The following CDYL2 variants were observed in gnomAD, a reference collection of about 807,000 sequenced individuals.
CDYL2 encodes chromodomain Y-like protein 2.
In CDYL2, 23 loss-of-function variants were observed where a neutral mutation model predicts 49.4. The observed-to-expected ratio is 0.47, with a 90% CI of 0.34 to 0.66. CDYL2 has a LOEUF of 0.66. CDYL2 is among the 30% of genes least tolerant of loss of function. CDYL2 has a pLI of 0.01. For synonymous variants in CDYL2, 360 were observed against 268.8 expected, an observed-to-expected ratio of 1.34 and a Z score of -3.32; for missense variants, 678 against 656.4, an observed-to-expected ratio of 1.03 and a Z score of -0.36.
In CDYL2 at chr16:80,684,740, C is replaced by G. The variant is rs370784290; in HGVS notation, c.414G>C (p.Arg138Ser). The G allele has an allele frequency of 1.2e-6, 2 of 1,614,134 alleles. No individual in the cohort carries two copies. Among genetic ancestry groups the G allele is most frequent in the Non-Finnish European group, 1.7e-6 (2 of 1,180,034 alleles). The stretch of plus-strand genomic sequence containing the variant: ...TTATTTGCAAACCACTGGGGGTAGT[C>G]CTGTAAGACACCGTCTTGGTGGCCC... ...GDRATKTVSY[R>S]TTPSGLQIMP... Residue 138 changes from arginine (R) to serine (S), a missense_variant, in exon 2 of 7, where the codon AGG (arginine) becomes AGC (serine). Around this residue, in one of 3 missense-constraint regions of CDYL2, gnomAD observed 478 missense variants for 427.0 expected, o/e 1.12. Transcript: ENST00000570137.
At chr16:80,671,333 C>A (rs138073981) in intron 2 of CDYL2, among the ~76,000 whole-genome samples, 1 of 152,270 alleles carries the variant, frequency 6.6e-6, no homozygotes, top group African/African-American at 2.4e-5. Flanking sequence ...GGTATTTCTG[C>A]CAGTTCATCA....
intron 1 of CDYL2, among the ~76,000 whole-genome samples, chr16:80,754,612 T>C (rs1005000452): frequency 1.3e-5 from 2 of 152,178 alleles, no homozygotes; most frequent in Non-Finnish European, 2.9e-5. Flanking sequence ...GTGCTGTGAC[T>C]CTGGACAAGT....
intron 4 of CDYL2, among the ~76,000 whole-genome samples, chr16:80,613,450 T>G (rs1239803007): frequency 6.6e-6 from 1 of 152,172 alleles, no homozygotes. Flanking sequence ...AAATCACACC[T>G]AGGATGGTCT....
At chr16:80,769,932 G>A (rs917131122) in intron 1 of CDYL2, among the ~76,000 whole-genome samples, 6 of 152,084 alleles carry the variant, frequency 3.9e-5, no homozygotes, top group Non-Finnish European at 5.9e-5. Flanking sequence ...TTAAGAATAA[G>A]AGGACTACAC....
chr16:80,631,782 G>A (rs1294981602), intron 3 of CDYL2, among the ~76,000 whole-genome samples: 1 of 152,192 alleles, frequency 6.6e-6, no homozygotes, highest in Admixed American at 6.5e-5. Flanking sequence ...ATGCACTCAT[G>A]AAAAGATGCT....
chr16:80,610,048 T>C (rs933614696), intron 5 of CDYL2, among the ~76,000 whole-genome samples: 1 of 152,118 alleles, frequency 6.6e-6, no homozygotes. Flanking sequence ...CAGGGCCTGG[T>C]AGTGCAGAAG....
chr16:80,636,881 G>C (rs1029143734), intron 2 of CDYL2, among the ~76,000 whole-genome samples: 1 of 152,128 alleles, frequency 6.6e-6, no homozygotes, highest in Non-Finnish European at 1.5e-5. Context: ...CCATAAAAAA[G>C]GATGAGTTCA....
intron 1 of CDYL2, among the ~76,000 whole-genome samples, chr16:80,777,499 A>G (rs1201728703): frequency 6.6e-6 from 1 of 152,152 alleles, no homozygotes; most frequent in Admixed American, 6.5e-5. Context: ...TGAAGAAAAG[A>G]GAAAGTACAA....
At chr16:80,699,207 T>C (rs1904288793) in intron 1 of CDYL2, among the ~76,000 whole-genome samples, 1 of 152,216 alleles carries the variant, frequency 6.6e-6, no homozygotes, top group South Asian at 2.1e-4. Flanking sequence ...ACCTGTACTC[T>C]CATGTTTACT....
At chr16:80,670,064 T>G (rs1351707820) in intron 2 of CDYL2, among the ~76,000 whole-genome samples, 1 of 152,220 alleles carries the variant, frequency 6.6e-6, no homozygotes, top group African/African-American at 2.4e-5. Context: ...CTCATGCCAC[T>G]GGTGGGCAGA....
Position 80,804,271 on chromosome 16 carries a change from G to A in CDYL2, c.-98C>T. 1.8e-6 allele frequency: 2 copies of A among 1,115,916 alleles called. No individual in the cohort carries two copies. The highest frequency in any genetic ancestry group is 1.7e-5 in the South Asian group (1 of 58,516). 69.1% of individuals were successfully genotyped at this position (1,115,916 alleles called of 1,614,324 possible). The stretch of plus-strand genomic sequence containing the variant: ...GTCCGGTGTGCGCGTGTGTGTGCGC[G>A]CGTGTGTGTGCGAGTGTGTGTGGTG... On this transcript the variant is annotated 5_prime_UTR_variant, in exon 1 of 7. Coordinates refer to ENST00000570137, the MANE Select transcript of CDYL2 (RefSeq NM_152342.4).
chr16:80,666,670 C>T (rs999569783), intron 2 of CDYL2, among the ~76,000 whole-genome samples: 1 of 152,096 alleles, frequency 6.6e-6, no homozygotes. Flanking sequence ...GGACATGTTA[C>T]CATGAGCAGA....
At chr16:80,729,415 T>C (rs564898201) in intron 1 of CDYL2, among the ~76,000 whole-genome samples, 34 of 152,186 alleles carry the variant, frequency 2.2e-4, no homozygotes, top group African/African-American at 6.8e-4. Context: ...CCTAAATATA[T>C]ACGCATCCAA....
chr16:80,673,603 T>C (rs1466599165), intron 2 of CDYL2, among the ~76,000 whole-genome samples: 5 of 152,190 alleles, frequency 3.3e-5, no homozygotes, highest in Admixed American at 1.3e-4. Context: ...AACATTTCCT[T>C]GTTACCAGCA....
intron 1 of CDYL2, among the ~76,000 whole-genome samples, chr16:80,803,321 C>T (rs540902264): frequency 4.5e-4 from 69 of 152,298 alleles, no homozygotes; most frequent in African/African-American, 1.5e-3. Context: ...GGACCTGGAG[C>T]CAGGTATCCA....
intron 1 of CDYL2, among the ~76,000 whole-genome samples, chr16:80,707,965 T>A (rs574220936): frequency 6.6e-6 from 1 of 152,044 alleles, no homozygotes; most frequent in Non-Finnish European, 1.5e-5. Context: ...TCACCTTAAG[T>A]TTATCCAGAA....
intron 1 of CDYL2, among the ~76,000 whole-genome samples, chr16:80,721,368 T>G (rs566414536): frequency 6.6e-6 from 1 of 152,314 alleles, no homozygotes; most frequent in African/African-American, 2.4e-5. Context: ...AAACACACGC[T>G]GGGGCCTGGA....
chr16:80,684,866 A>T lies in CDYL2; in HGVS notation c.288T>A (p.Pro96=). The change falls in exon 2 of 7, where the codon CCT becomes CCA. Residue 96 remains proline, a synonymous_variant. Transcript: ENST00000570137. Reference sequence around the variant, plus strand: ...TATGGGAGGTCCCCTTGCTCTTTCCAGGATCTGAAGGTCTGTGGGACAGTT... The same window carrying T: ...TATGGGAGGTCCCCTTGCTCTTTCCTGGATCTGAAGGTCTGTGGGACAGTT... The part of the protein sequence containing the change: ...VEKLSHRPSD[P]GKSKGTSHKR... 6.2e-7 allele frequency: 1 copy of T among 1,614,088 alleles called. No homozygotes were observed. The highest frequency in any genetic ancestry group is 8.5e-7 in the Non-Finnish European group (1 of 1,180,022).
At chr16:80,755,011 G>A (rs28485484) in intron 1 of CDYL2, among the ~76,000 whole-genome samples, 1 of 152,114 alleles carries the variant, frequency 6.6e-6, no homozygotes, top group African/African-American at 2.4e-5. Context: ...TTCAGCTGAA[G>A]GGAAAAAGCA....
Sources: allele counts gnomAD v4.1 joint callset (sites outside exome capture counted in the v4.1 genomes callset), GRCh38; gene constraint gnomAD v4.1.1; regional missense constraint gnomAD v4.1.1; transcripts MANE v1.5; gene names NCBI Gene and HGNC (gene_info 2026-07-23, HGNC 2026-07-21).